The following RSPO4 variants were observed in gnomAD, a reference collection of about 807,000 sequenced individuals.
RSPO4 encodes the protein R-spondin 4.
Under a neutral mutation model 24.8 loss-of-function variants are expected in RSPO4, and 23 were observed. The observed-to-expected ratio is 0.93, with a 90% CI of 0.67 to 1.31. RSPO4 has a LOEUF of 1.31. Among genes scored for constraint, RSPO4 ranks in the 40% most tolerant of loss-of-function variants. The pLI, the probability that RSPO4 is intolerant of heterozygous loss-of-function variation, is 0.00. For missense variants in RSPO4, 333 were observed against 316.5 expected, an observed-to-expected ratio of 1.05 and a Z score of -0.39; for synonymous variants, 141 against 127.4, an observed-to-expected ratio of 1.11 and a Z score of -0.72.
rs1453687635 is a variant in RSPO4, at chr20:981,953, A to G, written c.80-13815T>C. Among the ~76,000 whole-genome samples the G allele has an allele frequency of 1.3e-5, 2 of 152,126 alleles. No homozygotes were observed. Among genetic ancestry groups the G allele is most frequent in the African/African-American group, 4.8e-5 (2 of 41,426 alleles). ...TTCTCCTGGACCTGCCCTGGACCAC[A>G]TCTATTCTGCCCTCCATTAGCTACT... On this transcript the variant is annotated intron_variant, in intron 1 of 4. Transcript: ENST00000217260. This position sits in a 1 kb window ranked among gnomAD's most constrained non-coding sequence, Gnocchi z 4.6.
chr20:967,424 T>G, intron 2 of RSPO4, 110 bp from the exon 3 acceptor site: 1 of 1,194,652 alleles, frequency 8.4e-7, no homozygotes, highest in Non-Finnish European at 1.2e-6. Context: ...TGGTAGCATT[T>G]GGGTCAGGAC....
intron 1 of RSPO4, among the ~76,000 whole-genome samples, chr20:994,605 A>G (rs6140899): frequency 0.11 from 16,556 of 152,198 alleles, 1,015 homozygotes; most frequent in Middle Eastern, 0.19. Context: ...CACCCAGGCT[A>G]GAGTGCAGCA....
chr20:965,555 A>G (rs1248249636), intron 3 of RSPO4, among the ~76,000 whole-genome samples: 2 of 152,200 alleles, frequency 1.3e-5, no homozygotes, highest in Admixed American at 1.3e-4. Flanking sequence ...TTGAGTGGAG[A>G]CTGGGCTGGA....
chr20:991,149 C>T (rs1649239153), intron 1 of RSPO4, among the ~76,000 whole-genome samples: 1 of 152,178 alleles, frequency 6.6e-6, no homozygotes, highest in Non-Finnish European at 1.5e-5. Context: ...CCACATTGCC[C>T]GGGCTGGCCT....
In RSPO4 at chr20:964,016, G is replaced by A. The variant is rs368089169; in HGVS notation, c.514C>T (p.Arg172Trp). The change falls in exon 4 of 5, where the codon CGG becomes TGG. Residue 172 changes from arginine (R) to tryptophan (W), a missense_variant. Physicochemically the swap from Arg to Trp is moderately radical, Grantham distance 101 (BLOSUM62 -3). Coordinates refer to ENST00000217260, the MANE Select transcript of RSPO4 (RefSeq NM_001029871.4). ...GTGGCTGCCTCCTCATGCCCAGCCCGGCCAGCCTCTCGTACCCGGCTCTCC... is the reference window on the plus strand; with the variant it reads ...GTGGCTGCCTCCTCATGCCCAGCCCAGCCAGCCTCTCGTACCCGGCTCTCC... ...GLESRVREAG[R>W]AGHEEAATCQ... 12 of 1,613,704 alleles carry A rather than the reference G, an allele frequency of 7.4e-6. No individual in the cohort carries two copies. The African/African-American group carries it at 8.0e-5, about 11-fold the overall frequency.
At chr20:973,044 G>A (rs1004987195) in intron 1 of RSPO4, among the ~76,000 whole-genome samples, 1 of 152,260 alleles carries the variant, frequency 6.6e-6, no homozygotes, top group Non-Finnish European at 1.5e-5. Flanking sequence ...AATCAAGGAG[G>A]TGAAACGACA....
At position 970,337 on chromosome 20, in the gene RSPO4, C is replaced by T. The variant is rs1201005144; in HGVS notation, c.80-2199G>A. Reference sequence around the variant, plus strand: ...GTACTGCTACTTCCCCAGTCCTCACCTTCTGTTCCTTAGATTCGGTGAGGC... The same window carrying T: ...GTACTGCTACTTCCCCAGTCCTCACTTTCTGTTCCTTAGATTCGGTGAGGC... On this transcript the variant is annotated intron_variant, in intron 1 of 4. Transcript: ENST00000217260. This position sits in a 1 kb window ranked among gnomAD's most constrained non-coding sequence, Gnocchi z 4.1. Among the ~76,000 whole-genome samples, 4 of 152,232 alleles carry T rather than the reference C, an allele frequency of 2.6e-5. No individual in the cohort carries two copies. The highest frequency in any genetic ancestry group is 4.4e-5 in the Non-Finnish European group (3 of 68,012).
intron 1 of RSPO4, among the ~76,000 whole-genome samples, chr20:997,477 G>A (rs916494915): frequency 2.0e-5 from 3 of 152,194 alleles, no homozygotes; most frequent in South Asian, 2.1e-4. Flanking sequence ...CCGAAGCCGA[G>A]AGACCCAAGG....
rs1454405187 is a variant in RSPO4 at position 968,060 on chromosome 20, C to T, written c.158G>A (p.Arg53Lys). 6.2e-7 allele frequency: 1 copy of T among 1,614,226 alleles called. No individual in the cohort carries two copies. Among genetic ancestry groups the T allele is most frequent in the Non-Finnish European group, 8.5e-7 (1 of 1,180,044 alleles). Residue 53 changes from arginine (R) to lysine (K), a missense_variant, in exon 2 of 5, where the codon AGG becomes AAG. By Grantham distance (26) the Arg-to-Lys change is conservative. Coordinates refer to ENST00000217260, the MANE Select transcript of RSPO4 (RefSeq NM_001029871.4). ...EENGCSTCQQ[R>K]LFLFIRREGI... ...TTCCCGGCGGATGAACAGGAAGAGC[C>T]TCTGCTGGCAGGTGGAACAGCCGTT...
chr20:971,883 C>A lies in RSPO4; in HGVS notation c.80-3745G>T, dbSNP rs887106195. On this transcript the variant is annotated intron_variant, in intron 1 of 4. Transcript: ENST00000217260. ...GGGCAGGAGGAGGCCTACATTCTTT[C>A]TTCTCCTTCTCCACTAGCTCCCCTC... Among the ~76,000 whole-genome samples, 12 of 152,168 alleles carry A rather than the reference C, an allele frequency of 7.9e-5. 1 individual carries two copies. Among genetic ancestry groups the A allele is most frequent in the African/African-American group, 2.7e-4 (11 of 41,432 alleles).
In RSPO4 at chr20:959,832, AGAGCAGAAGCAGG is replaced by A. The variant is rs1423133497; in HGVS notation, c.*512_*524del. The A allele has an allele frequency of 1.3e-5, 2 of 158,900 alleles. No homozygotes were observed. Among genetic ancestry groups the A allele is most frequent in the African/African-American group, 4.8e-5 (2 of 41,508 alleles). The allele number at this position is 158,900 out of a possible 1,614,324, so 9.8% of individuals were successfully genotyped here. On this transcript the variant is annotated 3_prime_UTR_variant, in exon 5 of 5. Transcript: ENST00000217260. ...AGCTCAGGGTCCTGGAGCCTCCCCC[AGAGCAGAAGCAGG>A]GCCTTCAGGATTCACCTGTGCTGTG... is the stretch of plus-strand genomic sequence containing the variant.
chr20:963,035 C>A (rs940954297), intron 4 of RSPO4, among the ~76,000 whole-genome samples: 40 of 152,248 alleles, frequency 2.6e-4, no homozygotes, highest in African/African-American at 9.6e-4. Context: ...CACATCTTAC[C>A]AAGCACACCC....
chr20:1,001,798 C>T (rs1268208237), intron 1 of RSPO4, among the ~76,000 whole-genome samples: 1 of 152,144 alleles, frequency 6.6e-6, no homozygotes, highest in East Asian at 1.9e-4. Flanking sequence ...TGTCTCTGCA[C>T]GAAGCCATCC....
intron 1 of RSPO4, among the ~76,000 whole-genome samples, chr20:989,449 T>C (rs1318347651): frequency 2.0e-5 from 3 of 152,274 alleles, no homozygotes; most frequent in African/African-American, 7.2e-5. Context: ...ACTCACCAGG[T>C]AGGAGGATCC....
rs1003255531 is a variant in RSPO4 at position 963,915 on chromosome 20, G to T, written c.595+20C>A. ...TGGGCCTTTCCCACCGCAGCCTCGT[G>T]TGCCTGTCCTGGGGCTCACCTCCTG... On this transcript the variant is annotated intron_variant, in intron 4 of 4. Transcript: ENST00000217260. 6.2e-7 allele frequency: 1 copy of T among 1,612,618 alleles called. No individual in the cohort carries two copies. The highest frequency in any genetic ancestry group is 1.1e-5 in the South Asian group (1 of 91,028).
At chr20:980,651 C>T (rs368674903) in intron 1 of RSPO4, among the ~76,000 whole-genome samples, 1 of 152,128 alleles carries the variant, frequency 6.6e-6, no homozygotes, top group Non-Finnish European at 1.5e-5. Context: ...CCTTTTTAGA[C>T]GTTGACCTAT....
intron 2 of RSPO4, among the ~76,000 whole-genome samples, 178 bp downstream of exon 2, chr20:967,772 G>A (rs1203295376): frequency 6.6e-6 from 1 of 152,254 alleles, no homozygotes; most frequent in Non-Finnish European, 1.5e-5. Flanking sequence ...TTAAGGCTGA[G>A]AGCGGACTGA....
chr20:991,156 G>C (rs1363335686), intron 1 of RSPO4, among the ~76,000 whole-genome samples: 1 of 152,152 alleles, frequency 6.6e-6, no homozygotes, highest in East Asian at 1.9e-4. Context: ...GCCCGGGCTG[G>C]CCTCGAACTC....
intron 1 of RSPO4, among the ~76,000 whole-genome samples, chr20:980,186 C>G (rs1984692359): frequency 6.6e-6 from 1 of 152,114 alleles, no homozygotes; most frequent in South Asian, 2.1e-4. Flanking sequence ...ATAAGTGGAG[C>G]AGATATTCAA....
Sources: gnomAD v4.1 joint callset for allele counts (sites outside exome capture counted in the v4.1 genomes callset) on GRCh38, gnomAD v4.1.1 for gene constraint, Gnocchi (gnomAD v3.1) non-coding constraint, MANE v1.5 for transcripts, NCBI Gene and HGNC (gene_info 2026-07-23, HGNC 2026-07-21) for gene names.